GNG7: variants seen among roughly 807,000 people sequenced by gnomAD.
The protein encoded by GNG7 is G protein subunit gamma 7.
Under a neutral mutation model 4.0 loss-of-function variants are expected in GNG7, and 1 was observed. That is an observed-to-expected ratio of 0.25 (90% CI 0.09 to 1.18). The LOEUF (loss-of-function observed/expected upper bound fraction) is 1.18. Ranked by LOEUF, GNG7 falls within the 50% of genes most tolerant of loss-of-function variation. GNG7 has a pLI of 0.50. For synonymous variants in GNG7, 34 were observed against 36.9 expected (o/e 0.92, Z 0.29); for missense variants, 86 against 91.9 (o/e 0.94, Z 0.26).
intron 1 of GNG7, among the ~76,000 whole-genome samples, chr19:2,658,365 A>G (rs2144875195): frequency 6.6e-6 from 1 of 152,172 alleles, no homozygotes; most frequent in South Asian, 2.1e-4. Flanking sequence ...GTTTTTTTAC[A>G]ACACTTTTAA....
Position 2,562,968 on chromosome 19 carries a change from A to G in GNG7, c.-77-7780T>C, listed in dbSNP as rs140384120. On this transcript the variant is annotated intron_variant, in intron 2 of 4. Coordinates refer to ENST00000382159, the MANE Select transcript of GNG7 (RefSeq NM_052847.3). ...TTTCTTTTTTTTTGTTTTTTGAGAC[A>G]GAGTCTCGCTCTGTCGCCCAGGCTG... Among the ~76,000 whole-genome samples the G allele has an allele frequency of 8.3e-3, 1,262 of 152,022 alleles. 16 individuals carry two copies. The highest frequency in any genetic ancestry group is 0.029 in the African/African-American group (1,206 of 41,444).
intron 2 of GNG7, among the ~76,000 whole-genome samples, chr19:2,595,606 G>A (rs73526822): frequency 0.77 from 116,282 of 150,820 alleles, 44,755 homozygotes; most frequent in Admixed American, 0.8. Context: ...GTGGTGGCGG[G>A]TGCCTGTAAT....
At chr19:2,687,557 G>A (rs1335957187) in intron 1 of GNG7, among the ~76,000 whole-genome samples, 3 of 152,004 alleles carry the variant, frequency 2.0e-5, no homozygotes, top group Admixed American at 6.6e-5. Flanking sequence ...CAGAGGTTGC[G>A]GTGAGCCGAG....
At chr19:2,685,568 G>A (rs1330240331) in intron 1 of GNG7, among the ~76,000 whole-genome samples, 1 of 151,848 alleles carries the variant, frequency 6.6e-6, no homozygotes. Context: ...GAGGCTGCAG[G>A]GAGCTGTGAT....
intron 2 of GNG7, among the ~76,000 whole-genome samples, chr19:2,572,597 CTTT>C (rs372886442): frequency 2.3e-5 from 3 of 132,856 alleles, no homozygotes; most frequent in Non-Finnish European, 3.3e-5. Context: ...GCGCCCGGCC[CTTT>C]TTTTTTTTTT....
At chr19:2,689,080 G>A (rs925615743) in intron 1 of GNG7, among the ~76,000 whole-genome samples, 1 of 150,700 alleles carries the variant, frequency 6.6e-6, no homozygotes, top group Non-Finnish European at 1.5e-5. Flanking sequence ...AAATGTAAAT[G>A]TAAATTTAAA....
chr19:2,523,490 C>T (rs888185826), intron 3 of GNG7, among the ~76,000 whole-genome samples: 1 of 151,940 alleles, frequency 6.6e-6, no homozygotes, highest in Non-Finnish European at 1.5e-5. Flanking sequence ...GAGGTTGAGG[C>T]CAGACTGGGC....
intron 2 of GNG7, among the ~76,000 whole-genome samples, chr19:2,637,081 C>T (rs369530826): frequency 2.0e-5 from 3 of 152,130 alleles, no homozygotes; most frequent in East Asian, 3.9e-4. Context: ...CTGCACCCCC[C>T]GCATCTCCAG....
intron 2 of GNG7, among the ~76,000 whole-genome samples, chr19:2,598,677 AAATAAT>A (rs56068932): frequency 0.15 from 21,640 of 140,846 alleles, 1,908 homozygotes; most frequent in East Asian, 0.3. Flanking sequence ...AAAAGTAATA[AAATAAT>A]AATAATAATA....
chr19:2,522,456 C>CA (rs1815276585), intron 3 of GNG7, among the ~76,000 whole-genome samples: 1 of 152,006 alleles, frequency 6.6e-6, no homozygotes, highest in South Asian at 2.1e-4. Context: ...CCAGAGTTCT[C>CA]AAAAAATGCC....
intron 1 of GNG7, among the ~76,000 whole-genome samples, chr19:2,695,361 G>A (rs1913220099): frequency 6.6e-6 from 1 of 151,996 alleles, no homozygotes; most frequent in African/African-American, 2.4e-5. Flanking sequence ...CCCCACCTCT[G>A]TGCCACCCTG....
intron 3 of GNG7, among the ~76,000 whole-genome samples, chr19:2,545,491 A>G (rs1192207385): frequency 1.3e-5 from 2 of 151,390 alleles, no homozygotes; most frequent in Non-Finnish European, 2.9e-5. Flanking sequence ...CTACTAAAAA[A>G]AAAATCAAAA....
chr19:2,676,325 C>A (rs542368336), intron 1 of GNG7, among the ~76,000 whole-genome samples: 1 of 152,274 alleles, frequency 6.6e-6, no homozygotes, highest in East Asian at 1.9e-4. Context: ...GAGACCCTCC[C>A]CTAGGCACCC....
rs1972702661 is a variant in GNG7 at position 2,514,626 on chromosome 19, G to C, written c.*396C>G. The C allele has an allele frequency of 1.2e-5, 2 of 163,822 alleles. No individual in the cohort carries two copies. Among genetic ancestry groups the C allele is most frequent in the African/African-American group, 4.8e-5 (2 of 41,608 alleles). The allele number at this position is 163,822 out of a possible 1,614,324, so 10.1% of individuals were successfully genotyped here. A position where few individuals can be genotyped will look rare whatever the true frequency, so the allele number is the denominator to read the frequency against. On this transcript the variant is annotated 3_prime_UTR_variant, in exon 5 of 5. Coordinates refer to ENST00000382159, the MANE Select transcript of GNG7 (RefSeq NM_052847.3). ...AATTCTCCCGGAACTATTGCCACCG[G>C]GCGAAGTCACCTCCCTTTCCCCCTC... is the stretch of plus-strand genomic sequence containing the variant.
At chr19:2,645,609 C>T (rs543365269) in intron 2 of GNG7, among the ~76,000 whole-genome samples, 6 of 152,078 alleles carry the variant, frequency 3.9e-5, no homozygotes, top group African/African-American at 9.7e-5. Flanking sequence ...GCGGTCACCC[C>T]GACCCGACCA....
chr19:2,544,792 G>T (rs575311040), intron 3 of GNG7, among the ~76,000 whole-genome samples: 26 of 152,284 alleles, frequency 1.7e-4, no homozygotes, highest in African/African-American at 6.3e-4. Context: ...GGAGCTCCTG[G>T]CATGGAGTGG....
At position 2,551,222 on chromosome 19, in the gene GNG7, A is replaced by G. The variant is rs376452347; in HGVS notation, c.-38+3927T>C. ...CACCCTGGCCGTTTGACCTCCAGCA[A>G]AGGAGGTCTGGTCTCCCGGTCAGAA... On this transcript the variant is annotated intron_variant, in intron 3 of 4. Transcript: ENST00000382159. Among the ~76,000 whole-genome samples the G allele has an allele frequency of 7.6e-4, 116 of 152,322 alleles. 1 individual carries two copies. The highest frequency in any genetic ancestry group is 2.6e-3 in the African/African-American group (110 of 41,586).
intron 1 of GNG7, among the ~76,000 whole-genome samples, chr19:2,689,845 G>A (rs1042588359): frequency 2.0e-5 from 3 of 151,922 alleles, no homozygotes; most frequent in Non-Finnish European, 2.9e-5. Context: ...ACGCTTTTTC[G>A]GTAAGAGTCC....
In GNG7 at chr19:2,647,199, G is replaced by A. The variant is rs73920528; in HGVS notation, c.-134-919C>T. ...TATGAAATCCTTGCCTCCCTCTGGA[G>A]CCTGGAATCCTGGCATGGGTCAGGC... On this transcript the variant is annotated intron_variant, in intron 1 of 4. Transcript: ENST00000382159. 3.9e-3 allele frequency among the ~76,000 whole-genome samples: 595 copies of A among 152,302 alleles called. 7 individuals are homozygous for A. Among genetic ancestry groups the A allele is most frequent in the African/African-American group, 0.014 (576 of 41,556 alleles).
Sources: gnomAD v4.1 joint callset for allele counts (sites outside exome capture counted in the v4.1 genomes callset) on GRCh38, gnomAD v4.1.1 for gene constraint, MANE v1.5 for transcripts, NCBI Gene and HGNC (gene_info 2026-07-23, HGNC 2026-07-21) for gene names.